Variants in GEMIN2 observed in about 807,000 individuals in gnomAD.
GEMIN2 encodes the protein gem nuclear organelle associated protein 2.
GEMIN2 carries 37 observed loss-of-function variants against 45.8 expected under a neutral mutation model. That is an observed-to-expected ratio of 0.81 (90% confidence interval 0.62 to 1.06). The LOEUF (loss-of-function observed/expected upper bound fraction) is 1.06, where lower values mean the gene tolerates loss of function less well. Among genes scored for constraint, GEMIN2 ranks in the 50% least tolerant of loss-of-function variants. GEMIN2 has a pLI of 0.00. For missense variants in GEMIN2, 335 were observed against 321.8 expected, an observed-to-expected ratio of 1.04 and a Z score of -0.31; for synonymous variants, 101 against 111.5, an observed-to-expected ratio of 0.91 and a Z score of 0.60.
In GEMIN2 at chr14:39,114,395, G is replaced by C. The variant is rs145062289; in HGVS notation, c.57G>C (p.Pro19=). 1 of 1,613,900 alleles carries C rather than the reference G, an allele frequency of 6.2e-7. No individual in the cohort carries two copies. Among genetic ancestry groups the C allele is most frequent in the South Asian group, 1.1e-5 (1 of 91,072 alleles). The change falls in exon 1 of 10, where the codon CCG becomes CCC. Residue 19 remains proline (P), a synonymous_variant. Transcript: ENST00000308317. ...AAGAGTTGATGCCTCGGCTATTGCC[G>C]GTAGAGCCTTGCGACTTGACGGAAG... ...AVEELMPRLL[P]VEPCDLTEGF...
chr14:39,122,894 C>T (rs913041690), intron 5 of GEMIN2, among the ~76,000 whole-genome samples: 6 of 151,990 alleles, frequency 3.9e-5, no homozygotes, highest in Admixed American at 2.6e-4. Flanking sequence ...TTATGTTTGG[C>T]TTGGTAATCA....
intron 4 of GEMIN2, among the ~76,000 whole-genome samples, chr14:39,120,896 T>A (rs1321101427): frequency 1.3e-5 from 2 of 152,196 alleles, no homozygotes; most frequent in African/African-American, 2.4e-5. Flanking sequence ...GAAAGCTACT[T>A]ATCCCTAGGG....
chr14:39,127,137 C>CTGTA (rs2052654073), intron 6 of GEMIN2, among the ~76,000 whole-genome samples: 1 of 143,540 alleles, frequency 7.0e-6, no homozygotes, highest in Non-Finnish European at 1.5e-5. Context: ...TTTGCCCAGG[C>CTGTA]TGTACTGAAG....
In GEMIN2 at chr14:39,136,486, T is replaced by C; in HGVS notation, c.*7T>C. ...AGCTGATGAGCCATCTTGATGTAGC[T>C]GATCTCTCAGGGATAGAAGATATTT... On this transcript the variant is annotated 3_prime_UTR_variant, in exon 10 of 10. Transcript: ENST00000308317. The C allele has an allele frequency of 6.3e-7, 1 of 1,599,992 alleles. No individual in the cohort carries two copies. The highest frequency in any genetic ancestry group is 8.6e-7 in the Non-Finnish European group (1 of 1,168,388).
rs769277633 is a variant in GEMIN2 at position 39,118,088 on chromosome 14, G to A, written c.312G>A (p.Gln104=). 3.3e-6 allele frequency: 5 copies of A among 1,526,468 alleles called. No homozygotes were observed. The highest frequency in any genetic ancestry group is 4.5e-6 in the Non-Finnish European group (5 of 1,104,800). 94.6% of individuals were successfully genotyped at this position (1,526,468 alleles called of 1,614,324 possible). The change falls in exon 3 of 10, where the codon CAG becomes CAA. Residue 104 remains glutamine, a splice_region_variant and synonymous_variant. Transcript: ENST00000308317. ...QQVAQFSTVR[Q]NVNKHRSHWK... ...TGGCACAGTTTTCAACTGTTCGACA[G>A]GTAAGTGTCATATTTAATCTAATTA...
intron 7 of GEMIN2, 141 bp downstream of exon 7, chr14:39,128,489 T>C (rs2052675619): frequency 2.7e-6 from 1 of 369,680 alleles, no homozygotes; most frequent in Non-Finnish European, 4.7e-6. Context: ...TCTTTTCTTT[T>C]TTTTTTTTTT....
At chr14:39,117,035 G>A (rs1396701384) in intron 2 of GEMIN2, among the ~76,000 whole-genome samples, 2 of 152,170 alleles carry the variant, frequency 1.3e-5, no homozygotes, top group East Asian at 1.9e-4. Context: ...CACTTTGGGA[G>A]GCCAAGTCAG....
chr14:39,131,993 A>T lies in GEMIN2; in HGVS notation c.636A>T (p.Glu212Asp), dbSNP rs765217270. 26 of 1,604,224 alleles carry T rather than the reference A, an allele frequency of 1.6e-5. No homozygotes were observed. Among genetic ancestry groups the T allele is most frequent in the Non-Finnish European group, 2.0e-5 (24 of 1,171,256 alleles). Residue 212 changes from glutamate to aspartate, a missense_variant, in exon 8 of 10, where the codon GAA (glutamate) becomes GAT (aspartate). Coordinates refer to ENST00000308317, the MANE Select transcript of GEMIN2 (RefSeq NM_003616.3). ...TTTATGCTTTATTGGCTTGTCTTGA[A>T]AAGCCTTTGTTACCTGAGGCTCATT... ...RWLYALLACL[E>D]KPLLPEAHSL...
intron 9 of GEMIN2, 102 bp from the exon 10 acceptor site, chr14:39,136,336 GTT>G (rs1207489049): frequency 4.4e-6 from 3 of 678,050 alleles, no homozygotes; most frequent in Non-Finnish European, 8.0e-6. Flanking sequence ...TATTTAACCA[GTT>G]TCTTATTGAT....
chr14:39,133,302 A>C (rs1189229764), intron 8 of GEMIN2, among the ~76,000 whole-genome samples: 1 of 18,704 alleles, frequency 5.3e-5, no homozygotes, highest in African/African-American at 2.2e-4. Context: ...GTTAAGACAC[A>C]TATATAATAT....
At chr14:39,133,952 C>T (rs10130972) in intron 9 of GEMIN2, 66,694 of 278,330 alleles carry the variant, frequency 0.24, 8,502 homozygotes, top group Middle Eastern at 0.38. Flanking sequence ...CACCACCACA[C>T]CTGGCTAATT....
intron 9 of GEMIN2, among the ~76,000 whole-genome samples, chr14:39,136,122 C>T (rs1224641923): frequency 1.3e-5 from 2 of 152,052 alleles, no homozygotes; most frequent in Non-Finnish European, 2.9e-5. Flanking sequence ...TAAACAAACA[C>T]GTATATTGGC....
At chr14:39,136,239 G>A (rs912925643) in intron 9 of GEMIN2, among the ~76,000 whole-genome samples, 2 of 151,840 alleles carry the variant, frequency 1.3e-5, no homozygotes, top group Admixed American at 6.6e-5. Context: ...GTATAAATAC[G>A]TTCCTCATAC....
intron 5 of GEMIN2, among the ~76,000 whole-genome samples, chr14:39,123,773 T>G (rs1594513546): frequency 7.6e-6 from 1 of 131,526 alleles, no homozygotes; most frequent in East Asian, 2.3e-4. Context: ...CAGGCTGGAG[T>G]GCAGTAGTGC....
intron 7 of GEMIN2, among the ~76,000 whole-genome samples, 169 bp downstream of exon 7, chr14:39,128,517 G>A (rs1176809264): frequency 8.5e-6 from 1 of 117,926 alleles, no homozygotes; most frequent in African/African-American, 3.5e-5. Context: ...TTGAGACAAG[G>A]TCTCGCTCTG....
At position 39,125,004 on chromosome 14, in the gene GEMIN2, C is replaced by G. The variant is rs1176376778; in HGVS notation, c.499C>G (p.Pro167Ala). The G allele has an allele frequency of 6.8e-7, 1 of 1,476,188 alleles. No individual in the cohort carries two copies. The highest frequency in any genetic ancestry group is 1.4e-5 in the African/African-American group (1 of 71,952). 91.4% of individuals were successfully genotyped at this position (1,476,188 alleles called of 1,614,324 possible). A position where few individuals can be genotyped will look rare whatever the true frequency, so the allele number is the denominator to read the frequency against. The change falls in exon 6 of 10, where the codon CCC becomes GCC. Residue 167 changes from proline (P) to alanine (A), a missense_variant. By Grantham distance (27) the Pro-to-Ala change is conservative (BLOSUM62 -1). Transcript: ENST00000308317. ...GIDYVQIGFP[P>A]LLSIVSRMNQ... ...TTTTTTCTTTCAGATTGGTTTTCCT[C>G]CCTTGCTTAGTATTGTTAGCAGAAT...
At chr14:39,121,349 T>G (rs1462111864) in intron 4 of GEMIN2, among the ~76,000 whole-genome samples, 1 of 152,050 alleles carries the variant, frequency 6.6e-6, no homozygotes, top group Non-Finnish European at 1.5e-5. Flanking sequence ...CTGGGCAACA[T>G]AGTGAGACAA....
At chr14:39,118,669 T>C (rs1440389445) in intron 4 of GEMIN2, 70 bp downstream of exon 4, 2 of 696,330 alleles carry the variant, frequency 2.9e-6, no homozygotes, top group East Asian at 2.5e-5. Context: ...TTACTTCCAG[T>C]CGTTAAAGAT....
intron 8 of GEMIN2, 51 bp from the exon 9 acceptor site, chr14:39,133,610 C>T: frequency 1.0e-6 from 1 of 978,898 alleles, no homozygotes; most frequent in Non-Finnish European, 1.5e-6. Context: ...AAATTTATTT[C>T]AAAAGTAATA....
Sources: gnomAD v4.1 joint callset for allele counts (sites outside exome capture counted in the v4.1 genomes callset) on GRCh38, gnomAD v4.1.1 for gene constraint, MANE v1.5 for transcripts, NCBI Gene and HGNC (gene_info 2026-07-23, HGNC 2026-07-21) for gene names.